Variants in SHFL observed in about 807,000 individuals in gnomAD.
SHFL encodes shiftless antiviral inhibitor of ribosomal frameshifting.
SHFL carries 12 observed loss-of-function variants against 34.7 expected under a neutral mutation model. The observed-to-expected ratio is 0.35, with a 90% CI of 0.22 to 0.56. The LOEUF (loss-of-function observed/expected upper bound fraction) is 0.56, where lower values mean the gene tolerates loss of function less well. SHFL is among the 20% of genes least tolerant of loss of function. The pLI is 0.88. For missense variants in SHFL, 278 were observed against 411.1 expected (o/e 0.68, Z 2.80); for synonymous variants, 148 against 156.0 (o/e 0.95, Z 0.38).
Position 10,091,546 on chromosome 19 carries a change from C to A in SHFL, c.559C>A (p.Leu187Ile), listed in dbSNP as rs1327653152. ...CGFPVYPTRILPPRWDRDPDR... is the reference protein window; with the variant it reads ...CGFPVYPTRIIPPRWDRDPDR... ...CTTCCCCGTGTATCCAACACGGATC[C>A]TCCCCCCGCGCTGGGACCGGGACCC... Residue 187 changes from leucine to isoleucine, a missense_variant, in exon 7 of 8, where the codon CTC becomes ATC. Transcript: ENST00000253110. The surrounding 1 kb of genome is among the most constrained non-coding windows in gnomAD (Gnocchi z 8.2). 6.4e-7 allele frequency: 1 copy of A among 1,550,786 alleles called. No homozygotes were observed. Among genetic ancestry groups the A allele is most frequent in the South Asian group, 1.2e-5 (1 of 84,008 alleles).
At chr19:10,087,373 A>G (rs758231397) in intron 3 of SHFL, 73 bp downstream of exon 3, 1 of 1,522,308 alleles carries the variant, frequency 6.6e-7, no homozygotes, top group Admixed American at 1.7e-5. Context: ...CGACCCGTTC[A>G]TGGTGACTGA....
chr19:10,086,580 G>A lies in SHFL; in HGVS notation c.21+132G>A. 3 of 906,474 alleles carry A rather than the reference G, an allele frequency of 3.3e-6. No individual in the cohort carries two copies. Among genetic ancestry groups the A allele is most frequent in the South Asian group, 3.1e-5 (1 of 31,762 alleles). The allele number at this position is 906,474 out of a possible 1,614,324, so 56.2% of individuals were successfully genotyped here. ...CCCCAGATCCTTACCCCTGCCTGGC[G>A]CTCGCCCCCCTTGAAAAGGAAAGTG... On this transcript the variant is annotated intron_variant, in intron 1 of 7. Coordinates refer to ENST00000253110, the MANE Select transcript of SHFL (RefSeq NM_018381.4). The surrounding 1 kb of genome is among the most constrained non-coding windows in gnomAD (Gnocchi z 5.2).
rs765022892 is a variant in SHFL at position 10,091,415 on chromosome 19, G to A, written c.489-61G>A. The A allele has an allele frequency of 6.8e-7, 1 of 1,467,810 alleles. No homozygotes were observed. Among genetic ancestry groups the A allele is most frequent in the South Asian group, 1.3e-5 (1 of 78,966 alleles). The allele number at this position is 1,467,810 out of a possible 1,614,324, so 90.9% of individuals were successfully genotyped here. On this transcript the variant is annotated intron_variant, in intron 6 of 7. Transcript: ENST00000253110. This position sits in a 1 kb window ranked among gnomAD's most constrained non-coding sequence, Gnocchi z 8.2. ...CCCTACCCCAGCCCTGCCCCTCCCT[G>A]CCCTGGCCCCACCCTGGCCCAGCCT...
rs898746198 is a variant in SHFL, at chr19:10,086,773, T to C, written c.22-156T>C. On this transcript the variant is annotated intron_variant, in intron 1 of 7. Transcript: ENST00000253110. This position sits in a 1 kb window ranked among gnomAD's most constrained non-coding sequence, Gnocchi z 5.2. ...AACGCCCTGTGGGGACTTTGGCTTT[T>C]TCCAGGAAATGCCGTAAAGGGATGA... 5 of 1,006,978 alleles carry C rather than the reference T, an allele frequency of 5.0e-6. No individual in the cohort carries two copies. The highest frequency in any genetic ancestry group is 1.6e-5 in the African/African-American group (1 of 61,002). The allele number at this position is 1,006,978 out of a possible 1,614,324, so 62.4% of individuals were successfully genotyped here.
In SHFL at chr19:10,091,972, T is replaced by C; in HGVS notation, c.644-98T>C. ...GTGCTGGTCCCCGTATCTGGTGGTCTCAGCTCCTCCCTAGAGCCCCGCGTG... is the reference window on the plus strand; with the variant it reads ...GTGCTGGTCCCCGTATCTGGTGGTCCCAGCTCCTCCCTAGAGCCCCGCGTG... On this transcript the variant is annotated intron_variant, in intron 7 of 7. Coordinates refer to ENST00000253110, the MANE Select transcript of SHFL (RefSeq NM_018381.4). This position sits in a 1 kb window ranked among gnomAD's most constrained non-coding sequence, Gnocchi z 8.2. 1 of 1,464,252 alleles carries C rather than the reference T, an allele frequency of 6.8e-7. No individual in the cohort carries two copies. Among genetic ancestry groups the C allele is most frequent in the Non-Finnish European group, 9.3e-7 (1 of 1,076,798 alleles). The allele number at this position is 1,464,252 out of a possible 1,614,324, so 90.7% of individuals were successfully genotyped here. A position where few individuals can be genotyped will look rare whatever the true frequency, so the allele number is the denominator to read the frequency against.
At position 10,086,503 on chromosome 19, in the gene SHFL, G is replaced by T; in HGVS notation, c.21+55G>T. 2 of 1,328,952 alleles carry T rather than the reference G, an allele frequency of 1.5e-6. No individual in the cohort carries two copies. The highest frequency in any genetic ancestry group is 2.0e-4 in the Middle Eastern group (1 of 4,898). 82.3% of individuals were successfully genotyped at this position (1,328,952 alleles called of 1,614,324 possible). A position where few individuals can be genotyped will look rare whatever the true frequency, so the allele number is the denominator to read the frequency against. On this transcript the variant is annotated intron_variant, in intron 1 of 7. Transcript: ENST00000253110. The surrounding 1 kb of genome is among the most constrained non-coding windows in gnomAD (Gnocchi z 5.2). Reference sequence around the variant, plus strand: ...CAGCCGCGACAGACCCCGAGGAGCGGCCGGGAGGCGCGGAGGGGGCTTCGC... The same window carrying T: ...CAGCCGCGACAGACCCCGAGGAGCGTCCGGGAGGCGCGGAGGGGGCTTCGC...
In SHFL at chr19:10,092,983, T is replaced by C. The variant is rs777887335; in HGVS notation, c.*681T>C. The C allele has an allele frequency of 1.6e-4, 82 of 504,682 alleles. No homozygotes were observed. Among genetic ancestry groups the C allele is most frequent in the Admixed American group, 1.2e-3 (32 of 27,488 alleles). 31.3% of individuals were successfully genotyped at this position (504,682 alleles called of 1,614,324 possible). ...AGTAATAGCCTTAATTCCTTCCCTATCTCCTTACCAAAGTACAAGTCACAT... is the reference window on the plus strand; with the variant it reads ...AGTAATAGCCTTAATTCCTTCCCTACCTCCTTACCAAAGTACAAGTCACAT... On this transcript the variant is annotated 3_prime_UTR_variant, in exon 8 of 8. Transcript: ENST00000253110.
chr19:10,086,657 G>A lies in SHFL; in HGVS notation c.21+209G>A. Reference sequence around the variant, plus strand: ...GAGGCCTCCCCGAGGAAAAGCGGGGGCTGCAGGGTCAAAGGTCAGAGGCCA... The same window carrying A: ...GAGGCCTCCCCGAGGAAAAGCGGGGACTGCAGGGTCAAAGGTCAGAGGCCA... On this transcript the variant is annotated intron_variant, in intron 1 of 7. Transcript: ENST00000253110. This position sits in a 1 kb window ranked among gnomAD's most constrained non-coding sequence, Gnocchi z 5.2. 3.5e-6 allele frequency: 2 copies of A among 567,670 alleles called. No homozygotes were observed. Among genetic ancestry groups the A allele is most frequent in the South Asian group, 3.2e-5 (1 of 31,540 alleles). The allele number at this position is 567,670 out of a possible 1,614,324, so 35.2% of individuals were successfully genotyped here.
rs757328885 is a variant in SHFL, at chr19:10,092,594, G to C, written c.*292G>C. 3 of 1,603,798 alleles carry C rather than the reference G, an allele frequency of 1.9e-6. No homozygotes were observed. Among genetic ancestry groups the C allele is most frequent in the Non-Finnish European group, 2.6e-6 (3 of 1,172,484 alleles). ...GGGGACAGAGGAACACAGAGTCACA[G>C]CTTCAGGGGCCGAATGAGCATGGCG... On this transcript the variant is annotated 3_prime_UTR_variant, in exon 8 of 8. Coordinates refer to ENST00000253110, the MANE Select transcript of SHFL (RefSeq NM_018381.4).
Position 10,091,359 on chromosome 19 carries a change from G to A in SHFL, c.488+6G>A, listed in dbSNP as rs1445346243. The stretch of plus-strand genomic sequence containing the variant: ...AAGTGTCGGCACAACTTCCGGTGAG[G>A]GCGCTGACCCCCAGCTCCCCCTCAG... On this transcript the variant is annotated splice_donor_region_variant and intron_variant, in intron 6 of 7. Transcript: ENST00000253110. This position sits in a 1 kb window ranked among gnomAD's most constrained non-coding sequence, Gnocchi z 8.2. 3 of 1,612,444 alleles carry A rather than the reference G, an allele frequency of 1.9e-6. No homozygotes were observed. Among genetic ancestry groups the A allele is most frequent in the Non-Finnish European group, 2.5e-6 (3 of 1,179,272 alleles).
In SHFL at chr19:10,086,472, CG is replaced by C. The variant is rs757838770; in HGVS notation, c.21+28del. On this transcript the variant is annotated intron_variant, in intron 1 of 7. Coordinates refer to ENST00000253110, the MANE Select transcript of SHFL (RefSeq NM_018381.4). The surrounding 1 kb of genome is among the most constrained non-coding windows in gnomAD (Gnocchi z 5.2). Reference sequence around the variant, plus strand: ...AGGTAAGCGATGGCTACGGCTGGGCCGGGGTCAGCCGCGACAGACCCCGAGG... The same window carrying C: ...AGGTAAGCGATGGCTACGGCTGGGCCGGGTCAGCCGCGACAGACCCCGAGG... 6.1e-5 allele frequency: 83 copies of C among 1,363,882 alleles called. No individual in the cohort carries two copies. The East Asian group carries it at 2.1e-3, about 35-fold the overall frequency. 84.5% of individuals were successfully genotyped at this position (1,363,882 alleles called of 1,614,324 possible).
intron 3 of SHFL, chr19:10,088,953 T>TGTAATA (rs1555753043): frequency 7.3e-6 from 1 of 136,854 alleles, no homozygotes; most frequent in African/African-American, 2.6e-5. Context: ...GTCTCAAAAA[T>TGTAATA]ATAATAATAA....
At chr19:10,089,294 C>T (rs757380882) in intron 3 of SHFL, 29 of 1,597,658 alleles carry the variant, frequency 1.8e-5, no homozygotes, top group Non-Finnish European at 2.5e-5. Context: ...ACCCACATCT[C>T]TCTCCCACTT....
chr19:10,090,103 C>T, intron 5 of SHFL, 56 bp downstream of exon 5: 2 of 1,547,864 alleles, frequency 1.3e-6, no homozygotes, highest in Admixed American at 1.9e-5. Context: ...ACTCCTGACT[C>T]CTATCCTCAG....
intron 2 of SHFL, 45 bp from the exon 3 acceptor site, chr19:10,087,206 C>A: frequency 6.2e-7 from 1 of 1,612,206 alleles, no homozygotes; most frequent in South Asian, 1.1e-5. Context: ...GGAACTCCCA[C>A]AGACCCTTCA....
In SHFL at chr19:10,091,185, C is replaced by G; in HGVS notation, c.385-65C>G. The stretch of plus-strand genomic sequence containing the variant: ...CTGCAGCACACTGCTAGCCCTGACC[C>G]CAACCTCAGACACCTCTGACAATCC... On this transcript the variant is annotated intron_variant, in intron 5 of 7. Coordinates refer to ENST00000253110, the MANE Select transcript of SHFL (RefSeq NM_018381.4). This position sits in a 1 kb window ranked among gnomAD's most constrained non-coding sequence, Gnocchi z 8.2. 6.9e-6 allele frequency: 10 copies of G among 1,458,906 alleles called. No individual in the cohort carries two copies. The highest frequency in any genetic ancestry group is 9.5e-6 in the Non-Finnish European group (10 of 1,054,228). The allele number at this position is 1,458,906 out of a possible 1,614,324, so 90.4% of individuals were successfully genotyped here. A position where few individuals can be genotyped will look rare whatever the true frequency, so the allele number is the denominator to read the frequency against.
Position 10,091,930 on chromosome 19 carries a change from C to G in SHFL, c.644-140C>G. On this transcript the variant is annotated intron_variant, in intron 7 of 7. Transcript: ENST00000253110. The surrounding 1 kb of genome is among the most constrained non-coding windows in gnomAD (Gnocchi z 8.2). Reference sequence around the variant, plus strand: ...CCCCAGGTCTCCTGTATCTTCAACACCCCTGAATGTCCAGTTGTGCTGGTC... The same window carrying G: ...CCCCAGGTCTCCTGTATCTTCAACAGCCCTGAATGTCCAGTTGTGCTGGTC... The G allele has an allele frequency of 9.2e-7, 1 of 1,082,682 alleles. No individual in the cohort carries two copies. Among genetic ancestry groups the G allele is most frequent in the Non-Finnish European group, 1.3e-6 (1 of 743,734 alleles). The allele number at this position is 1,082,682 out of a possible 1,614,324, so 67.1% of individuals were successfully genotyped here.
In SHFL at chr19:10,086,437, G is replaced by A; in HGVS notation, c.10G>A (p.Glu4Lys). 3 of 1,362,784 alleles carry A rather than the reference G, an allele frequency of 2.2e-6. No homozygotes were observed. Among genetic ancestry groups the A allele is most frequent in the Non-Finnish European group, 2.9e-6 (3 of 1,049,700 alleles). 84.4% of individuals were successfully genotyped at this position (1,362,784 alleles called of 1,614,324 possible). A position where few individuals can be genotyped will look rare whatever the true frequency, so the allele number is the denominator to read the frequency against. The change falls in exon 1 of 8, where the codon GAA (glutamate) becomes AAA (lysine). Residue 4 changes from glutamate (E) to lysine (K), a missense_variant. Physicochemically the swap from Glu to Lys is moderately conservative, Grantham distance 56. This residue lies in a region of SHFL where 243 missense variants were observed against 386.2 expected (regional missense o/e 0.63). Transcript: ENST00000253110. The surrounding 1 kb of genome is among the most constrained non-coding windows in gnomAD (Gnocchi z 5.2). MSQ[E>K]GVELEKSVRR... ...CTGCGCCGCCGCCACCATGTCTCAG[G>A]AAGGTGTGGAGGTAAGCGATGGCTA...
intron 5 of SHFL, 62 bp downstream of exon 5, chr19:10,090,109 C>T (rs1324356829): frequency 2.6e-6 from 4 of 1,527,078 alleles, no homozygotes; most frequent in Admixed American, 1.9e-5. Context: ...GACTCCTATC[C>T]TCAGTGACTG....
Sources: gnomAD v4.1 joint callset for allele counts on GRCh38, gnomAD v4.1.1 for gene constraint, gnomAD v4.1.1 regional missense constraint, Gnocchi (gnomAD v3.1) non-coding constraint, MANE v1.5 for transcripts, NCBI Gene and HGNC (gene_info 2026-07-23, HGNC 2026-07-21) for gene names.